The following ZBTB20 variants were observed in gnomAD, a reference collection of about 807,000 sequenced individuals.
ZBTB20 encodes zinc finger and BTB domain-containing protein 20.
Under a neutral mutation model 56.9 loss-of-function variants are expected in ZBTB20, and 9 were observed. The ratio of observed to expected loss-of-function variants is 0.16; its 90% CI spans 0.10 to 0.28. The LOEUF (loss-of-function observed/expected upper bound fraction) is 0.28. Ranked by LOEUF, ZBTB20 falls within the 10% of genes least tolerant of loss-of-function variation. The pLI is 1.00. For synonymous variants in ZBTB20, 417 were observed against 420.7 expected (o/e 0.99, Z 0.11); for missense variants, 655 against 1,003.0 (o/e 0.65, Z 4.69).
At chr3:114,589,391 A>G (rs909757420) in intron 6 of ZBTB20, among the ~76,000 whole-genome samples, 10 of 152,170 alleles carry the variant, frequency 6.6e-5, no homozygotes, top group Admixed American at 1.3e-4. Context: ...GGGGAGAAAT[A>G]AAAGCCAGTC....
chr3:114,424,598 C>T (rs1197680187), intron 7 of ZBTB20, among the ~76,000 whole-genome samples: 5 of 152,182 alleles, frequency 3.3e-5, no homozygotes, highest in African/African-American at 4.8e-5. Flanking sequence ...GGGAGCAAAG[C>T]GCTATTCCTA....
intron 6 of ZBTB20, among the ~76,000 whole-genome samples, chr3:114,614,444 G>A (rs1483656446): frequency 2.6e-5 from 4 of 152,170 alleles, no homozygotes; most frequent in Admixed American, 6.5e-5. Flanking sequence ...AAGTGTGGCT[G>A]TCTATCTCTT....
At chr3:115,074,960 C>T (rs2082541748) in intron 1 of ZBTB20, among the ~76,000 whole-genome samples, 1 of 152,104 alleles carries the variant, frequency 6.6e-6, no homozygotes, top group Non-Finnish European at 1.5e-5. Flanking sequence ...TCCCCGATCC[C>T]AACTGTTCCC....
intron 6 of ZBTB20, among the ~76,000 whole-genome samples, chr3:114,544,255 T>C (rs143045652): frequency 2.9e-3 from 441 of 151,708 alleles, no homozygotes; most frequent in African/African-American, 9.8e-3. Flanking sequence ...ATTTTTACCT[T>C]CTTTCTAAAA....
chr3:115,038,945 C>G (rs1490222930), intron 2 of ZBTB20, among the ~76,000 whole-genome samples: 1 of 151,808 alleles, frequency 6.6e-6, no homozygotes, highest in Non-Finnish European at 1.5e-5. Context: ...GCATTCTCTC[C>G]CTTTACTGGA....
At chr3:115,011,813 G>C (rs1276056046) in intron 2 of ZBTB20, among the ~76,000 whole-genome samples, 1 of 151,730 alleles carries the variant, frequency 6.6e-6, no homozygotes, top group Non-Finnish European at 1.5e-5. Context: ...TAAGTACAAA[G>C]AGTAAATGAT....
rs182050879 is a variant in ZBTB20, at chr3:114,995,447, A to T, written c.-506-21031T>A. ...TCCCAGGACATCTGGTTACTGTTAG[A>T]CCTGCTTTTCTAGTTTCCATTTAGA... On this transcript the variant is annotated intron_variant, in intron 2 of 11. Transcript: ENST00000675478. 3.9e-5 allele frequency among the ~76,000 whole-genome samples: 6 copies of T among 151,940 alleles called. No homozygotes were observed. The East Asian group carries it at 1.2e-3, about 30-fold the overall frequency.
chr3:114,452,910 T>G (rs983835667), intron 7 of ZBTB20, among the ~76,000 whole-genome samples: 1 of 152,138 alleles, frequency 6.6e-6, no homozygotes, highest in South Asian at 2.1e-4. Flanking sequence ...GTGTCTATAA[T>G]GTACCTTAAA....
rs116728935 is a variant in ZBTB20, at chr3:114,572,124, T to A, written c.-294-71733A>T. Among the ~76,000 whole-genome samples the A allele has an allele frequency of 8.0e-3, 1,225 of 152,304 alleles. 20 individuals are homozygous for A. Among genetic ancestry groups the A allele is most frequent in the African/African-American group, 0.027 (1,141 of 41,566 alleles). On this transcript the variant is annotated intron_variant, in intron 6 of 11. Coordinates refer to ENST00000675478, the MANE Select transcript of ZBTB20 (RefSeq NM_001348800.3). The stretch of plus-strand genomic sequence containing the variant: ...ATCTTTCAGATGAGAAAACTGAAAT[T>A]CAGAGAGACTTAGTAACTTGTTCTG...
At position 114,351,412 on chromosome 3, in the gene ZBTB20, G is replaced by T. The variant is rs1338061472; in HGVS notation, c.666C>A (p.Gly222=). Residue 222 remains glycine, a synonymous_variant, in exon 11 of 12, where the codon GGC becomes GGA. Coordinates refer to ENST00000675478, the MANE Select transcript of ZBTB20 (RefSeq NM_001348800.3). ...AGCCCGACTCCGTGTCGCTGCTCTG[G>T]CCTGACGTGCCTGACTCGGGAGTGC... ...PRGTPESGTS[G]QSSDTESGYL... The T allele has an allele frequency of 6.2e-6, 10 of 1,612,784 alleles. No individual in the cohort carries two copies. Among genetic ancestry groups the T allele is most frequent in the Non-Finnish European group, 8.5e-6 (10 of 1,179,986 alleles).
chr3:114,540,243 A>G (rs1437193778), intron 6 of ZBTB20, among the ~76,000 whole-genome samples: 1 of 152,096 alleles, frequency 6.6e-6, no homozygotes, highest in Non-Finnish European at 1.5e-5. Context: ...AGAAATACAA[A>G]CAACCATCAG....
chr3:115,056,631 A>C (rs1256822209), intron 2 of ZBTB20, among the ~76,000 whole-genome samples: 3 of 152,146 alleles, frequency 2.0e-5, no homozygotes. Context: ...AGTTATTTTA[A>C]AAATACCGAA....
intron 5 of ZBTB20, among the ~76,000 whole-genome samples, chr3:114,706,373 G>A (rs1458429123): frequency 6.6e-6 from 1 of 152,148 alleles, no homozygotes; most frequent in African/African-American, 2.4e-5. Flanking sequence ...TCTGCTGGGA[G>A]TAACAGAAGA....
intron 6 of ZBTB20, among the ~76,000 whole-genome samples, chr3:114,554,569 AC>A (rs1479881879): frequency 6.6e-6 from 1 of 152,196 alleles, no homozygotes; most frequent in Non-Finnish European, 1.5e-5. Context: ...AAGACAAAAA[AC>A]AATAAATTAT....
intron 6 of ZBTB20, among the ~76,000 whole-genome samples, chr3:114,564,002 T>A (rs927357412): frequency 2.6e-5 from 4 of 152,194 alleles, no homozygotes; most frequent in African/African-American, 9.6e-5. Context: ...TATGTTTTTT[T>A]CTGGAGTCTT....
intron 3 of ZBTB20, among the ~76,000 whole-genome samples, chr3:114,901,830 C>A (rs1361852550): frequency 2.0e-5 from 3 of 151,798 alleles, no homozygotes; most frequent in Non-Finnish European, 4.4e-5. Context: ...TAAGAAAAAA[C>A]AAAGAACAAA....
intron 4 of ZBTB20, among the ~76,000 whole-genome samples, chr3:114,812,605 C>T (rs2072620028): frequency 6.6e-6 from 1 of 152,260 alleles, no homozygotes; most frequent in Non-Finnish European, 1.5e-5. Context: ...TCCACGTCCC[C>T]ACCAGACTTA....
intron 2 of ZBTB20, among the ~76,000 whole-genome samples, chr3:114,998,147 G>T (rs375637873): frequency 6.6e-6 from 1 of 151,696 alleles, no homozygotes; most frequent in East Asian, 2.0e-4. Context: ...AAATTTACCC[G>T]TTACCCAGCT....
At chr3:114,520,333 T>A (rs552935822) in intron 6 of ZBTB20, among the ~76,000 whole-genome samples, 4 of 152,158 alleles carry the variant, frequency 2.6e-5, no homozygotes, top group Non-Finnish European at 5.9e-5. Context: ...ACAATGCAAA[T>A]TGACTCATTC....
Sources: allele counts gnomAD v4.1 joint callset (sites outside exome capture counted in the v4.1 genomes callset), GRCh38; gene constraint gnomAD v4.1.1; transcripts MANE v1.5; gene names NCBI Gene and HGNC (gene_info 2026-07-23, HGNC 2026-07-21).